The following DDX19A variants were observed in gnomAD, a reference collection of about 807,000 sequenced individuals.
DDX19A encodes DEAD-box helicase 19A.
DDX19A carries 12 observed loss-of-function variants against 60.6 expected under a neutral mutation model. The ratio of observed to expected loss-of-function variants is 0.20; its 90% CI spans 0.13 to 0.32. The LOEUF (loss-of-function observed/expected upper bound fraction) is 0.32. DDX19A is among the 10% of genes least tolerant of loss of function. The pLI is 1.00. For missense variants in DDX19A, 337 were observed against 600.6 expected (o/e 0.56, Z 4.59); for synonymous variants, 206 against 218.2 (o/e 0.94, Z 0.49).
intron 2 of DDX19A, among the ~76,000 whole-genome samples, chr16:70,352,963 CAT>C (rs1447775904): frequency 2.6e-5 from 4 of 151,978 alleles, no homozygotes; most frequent in African/African-American, 9.7e-5. Flanking sequence ...TTAAAGCAAT[CAT>C]AGATGTTTGG....
At chr16:70,350,670 C>T in intron 2 of DDX19A, 65 bp downstream of exon 2, 1 of 1,199,342 alleles carries the variant, frequency 8.3e-7, no homozygotes, top group South Asian at 1.3e-5. Flanking sequence ...GCACTCATAG[C>T]TGCATTGTAC....
chr16:70,356,393 G>A (rs1475473149), intron 4 of DDX19A, 146 bp downstream of exon 4: 4 of 1,310,888 alleles, frequency 3.1e-6, no homozygotes, highest in Non-Finnish European at 4.1e-6. Flanking sequence ...TTTCGCTCCT[G>A]TTGCCCAGCC....
At chr16:70,354,178 T>G (rs1320911426) in intron 2 of DDX19A, among the ~76,000 whole-genome samples, 2 of 151,630 alleles carry the variant, frequency 1.3e-5, no homozygotes, top group African/African-American at 4.8e-5. Flanking sequence ...GGAGCTTTGC[T>G]CTTGTTGCCC....
At chr16:70,367,402 T>C (rs1304759105) in intron 9 of DDX19A, among the ~76,000 whole-genome samples, 1 of 150,894 alleles carries the variant, frequency 6.6e-6, no homozygotes, top group Non-Finnish European at 1.5e-5. Context: ...CACTCCAGCC[T>C]GGCAACAGAG....
intron 2 of DDX19A, among the ~76,000 whole-genome samples, chr16:70,351,611 G>A (rs938071783): frequency 2.0e-5 from 3 of 149,658 alleles, no homozygotes; most frequent in Non-Finnish European, 3.0e-5. Context: ...TGCAAGCTCC[G>A]CCTCCCAGGT....
intron 9 of DDX19A, 33 bp from the exon 10 acceptor site, chr16:70,370,190 A>G (rs1031357995): frequency 6.2e-7 from 1 of 1,601,124 alleles, no homozygotes; most frequent in Admixed American, 1.8e-5. Context: ...ATACTCAAAT[A>G]CTTTCATTTC....
intron 2 of DDX19A, among the ~76,000 whole-genome samples, chr16:70,351,009 G>A (rs1452708036): frequency 6.6e-6 from 1 of 150,796 alleles, no homozygotes; most frequent in Non-Finnish European, 1.5e-5. Context: ...CTCCCGAGTA[G>A]CTGGGACTAC....
chr16:70,360,636 C>G (rs1964338396), intron 4 of DDX19A: 1 of 152,060 alleles, frequency 6.6e-6, no homozygotes, highest in Non-Finnish European at 1.5e-5. Flanking sequence ...TGAGCTACCA[C>G]GCCCAGCCCA....
At chr16:70,368,591 T>A (rs1964588526) in intron 9 of DDX19A, among the ~76,000 whole-genome samples, 1 of 151,796 alleles carries the variant, frequency 6.6e-6, no homozygotes, top group South Asian at 2.1e-4. Flanking sequence ...CTCTTTTTTT[T>A]TTTTTTTAGA....
rs111956811 is a variant in DDX19A at position 70,365,151 on chromosome 16, A to G, written c.604+20A>G. ...ATAAATGTGAGTACGGCAGGCGACAACTGAACAGTGAGCAGGGTAGGGGGT... is the reference window on the plus strand; with the variant it reads ...ATAAATGTGAGTACGGCAGGCGACAGCTGAACAGTGAGCAGGGTAGGGGGT... On this transcript the variant is annotated intron_variant, in intron 7 of 11. Transcript: ENST00000302243. 248 of 1,536,408 alleles carry G rather than the reference A, an allele frequency of 1.6e-4. 2 individuals carry two copies. The highest frequency in any genetic ancestry group is 3.4e-4 in the Middle Eastern group (2 of 5,948).
chr16:70,371,627 G>C (rs1416492871), intron 11 of DDX19A, 64 bp downstream of exon 11: 2 of 820,190 alleles, frequency 2.4e-6, no homozygotes, highest in African/African-American at 3.5e-5. Context: ...TGGTGAAAGG[G>C]GTAGGATCTT....
At position 70,372,223 on chromosome 16, in the gene DDX19A, A is replaced by G; in HGVS notation, c.*237A>G. The G allele has an allele frequency of 1.6e-6, 1 of 614,288 alleles. No homozygotes were observed. Among genetic ancestry groups the G allele is most frequent in the East Asian group, 2.8e-5 (1 of 35,460 alleles). The allele number at this position is 614,288 out of a possible 1,614,324, so 38.1% of individuals were successfully genotyped here. On this transcript the variant is annotated 3_prime_UTR_variant, in exon 12 of 12. Coordinates refer to ENST00000302243, the MANE Select transcript of DDX19A (RefSeq NM_018332.5). The stretch of plus-strand genomic sequence containing the variant: ...GTCCTTTCCCCACTTTTTTAAAGCC[A>G]CATTCCCCCATCTTTATAATAATCT...
At chr16:70,350,757 G>T in intron 2 of DDX19A, 152 bp downstream of exon 2, 1 of 542,988 alleles carries the variant, frequency 1.8e-6, no homozygotes, top group Non-Finnish European at 3.2e-6. Context: ...GGGATATGTC[G>T]ATTTTCCACA....
chr16:70,354,139 TG>T lies in DDX19A; in HGVS notation c.107-1342del, dbSNP rs917325346. Among the ~76,000 whole-genome samples, 17 of 151,884 alleles carry T rather than the reference TG, an allele frequency of 1.1e-4. No homozygotes were observed. In the East Asian group the frequency reaches 2.3e-3, roughly 21 times the overall value. On this transcript the variant is annotated intron_variant, in intron 2 of 11. Coordinates refer to ENST00000302243, the MANE Select transcript of DDX19A (RefSeq NM_018332.5). ...TAGGTATTATACCAATTAATATTTC[TG>T]GGGTTTTTTTTTTTCTTTTTTTGAG...
chr16:70,366,892 C>T, intron 9 of DDX19A, 31 bp downstream of exon 9: 1 of 1,613,050 alleles, frequency 6.2e-7, no homozygotes, highest in Non-Finnish European at 8.5e-7. Context: ...CAGGCCTGGC[C>T]CCTCCCTCTC....
At chr16:70,348,122 C>T (rs941452646) in intron 1 of DDX19A, 64 of 269,802 alleles carry the variant, frequency 2.4e-4, no homozygotes, top group African/African-American at 1.3e-3. Flanking sequence ...TTCTGATAGC[C>T]CCGAGATAGA....
Position 70,356,157 on chromosome 16 carries a change from A to G in DDX19A, c.203A>G (p.Asn68Ser). Residue 68 changes from asparagine (N) to serine (S), a missense_variant, in exon 4 of 12, where the codon AAC (asparagine) becomes AGC (serine). Coordinates refer to ENST00000302243, the MANE Select transcript of DDX19A (RefSeq NM_018332.5). ...TTACTCAACAAGCTGATCAGAAGCA[A>G]CCTTGTTGATAACACAAACCAAGTG... ...QSLLNKLIRS[N>S]LVDNTNQVEV... 6.2e-7 allele frequency: 1 copy of G among 1,614,066 alleles called. No individual in the cohort carries two copies. The highest frequency in any genetic ancestry group is 8.5e-7 in the Non-Finnish European group (1 of 1,180,022).
chr16:70,359,953 G>A (rs545711425), intron 4 of DDX19A, among the ~76,000 whole-genome samples: 1 of 152,178 alleles, frequency 6.6e-6, no homozygotes, highest in East Asian at 1.9e-4. Context: ...TTTATTTACT[G>A]TATATCAGCT....
intron 10 of DDX19A, chr16:70,371,054 G>GTA (rs1964669948): frequency 2.1e-6 from 1 of 483,932 alleles, no homozygotes; most frequent in Admixed American, 3.6e-5. Flanking sequence ...GTCCTGACTT[G>GTA]GTGGAAGGAA....
Sources: gnomAD v4.1 joint callset for allele counts (sites outside exome capture counted in the v4.1 genomes callset) on GRCh38, gnomAD v4.1.1 for gene constraint, MANE v1.5 for transcripts, NCBI Gene and HGNC (gene_info 2026-07-23, HGNC 2026-07-21) for gene names.